FLT1: variants seen among roughly 807,000 people sequenced by gnomAD.
The protein encoded by FLT1 is vascular endothelial growth factor receptor 1.
Under a neutral mutation model 156.3 loss-of-function variants are expected in FLT1, and 49 were observed. That is an observed-to-expected ratio of 0.31 (90% CI 0.25 to 0.40). The LOEUF is 0.40. Among genes scored for constraint, FLT1 ranks in the 10% least tolerant of loss-of-function variants. The probability of loss-of-function intolerance (pLI) is 1.00; values close to 1 mark genes in which losing one functional copy is unlikely to be tolerated. For synonymous variants in FLT1, 594 were observed against 583.8 expected (o/e 1.02, Z -0.25); for missense variants, 1,322 against 1,637.2 (o/e 0.81, Z 3.32).
intron 17 of FLT1, among the ~76,000 whole-genome samples, chr13:28,337,074 A>G (rs938438161): frequency 1.3e-5 from 2 of 152,120 alleles, no homozygotes; most frequent in African/African-American, 4.8e-5. Context: ...ATAAATATAT[A>G]GGAGCTGAAT....
At chr13:28,423,230 T>A (rs1028573998) in intron 10 of FLT1, among the ~76,000 whole-genome samples, 2 of 152,124 alleles carry the variant, frequency 1.3e-5, no homozygotes, top group Non-Finnish European at 2.9e-5. Flanking sequence ...CTTCCTCTCA[T>A]GACAGGAAAC....
At chr13:28,303,453 G>T in intron 29 of FLT1, 85 bp from the exon 30 acceptor site, 2 of 1,183,062 alleles carry the variant, frequency 1.7e-6, no homozygotes, top group Non-Finnish European at 1.2e-6. Flanking sequence ...TTCTGAGTGG[G>T]TCATTTGTTC....
At chr13:28,326,020 G>A (rs115646737) in intron 20 of FLT1, among the ~76,000 whole-genome samples, 2 of 152,120 alleles carry the variant, frequency 1.3e-5, no homozygotes, top group African/African-American at 2.4e-5. Context: ...ATAAAGATGG[G>A]CATCATTCTT....
In FLT1 at chr13:28,319,356, G is replaced by C. The variant is rs1339721153; in HGVS notation, c.3286+67C>G. 6 of 1,064,974 alleles carry C rather than the reference G, an allele frequency of 5.6e-6. No homozygotes were observed. The Admixed American group carries it at 1.1e-4, about 20-fold the overall frequency. 66.0% of individuals were successfully genotyped at this position (1,064,974 alleles called of 1,614,324 possible). Reference sequence around the variant, plus strand: ...TAATCTAAAGGCTGTCTAACCAAAGGACATTCAGCAGAAGATGCAGACATT... The same window carrying C: ...TAATCTAAAGGCTGTCTAACCAAAGCACATTCAGCAGAAGATGCAGACATT... On this transcript the variant is annotated intron_variant, in intron 24 of 29. Coordinates refer to ENST00000282397, the MANE Select transcript of FLT1 (RefSeq NM_002019.4).
chr13:28,429,174 A>G (rs1484447935), intron 8 of FLT1, among the ~76,000 whole-genome samples: 1 of 152,186 alleles, frequency 6.6e-6, no homozygotes, highest in African/African-American at 2.4e-5. Context: ...CTGCAATGGC[A>G]TGAAGACATA....
At chr13:28,315,862 G>T (rs1028016990) in intron 25 of FLT1, among the ~76,000 whole-genome samples, 1 of 152,038 alleles carries the variant, frequency 6.6e-6, no homozygotes, top group African/African-American at 2.4e-5. Flanking sequence ...CAGAGGCTTG[G>T]GTTCTAAATG....
intron 10 of FLT1, among the ~76,000 whole-genome samples, chr13:28,413,103 G>C (rs1213128309): frequency 6.6e-6 from 1 of 152,092 alleles, no homozygotes; most frequent in African/African-American, 2.4e-5. Context: ...TGCCTCAATG[G>C]AGAAGGGGGA....
At chr13:28,343,879 T>C (rs1472800836) in intron 16 of FLT1, among the ~76,000 whole-genome samples, 2 of 151,388 alleles carry the variant, frequency 1.3e-5, no homozygotes, top group Non-Finnish European at 2.9e-5. Flanking sequence ...CCTGATCTCA[T>C]GATCCACCTG....
At chr13:28,474,423 C>T (rs1880422556) in intron 1 of FLT1, among the ~76,000 whole-genome samples, 2 of 151,918 alleles carry the variant, frequency 1.3e-5, no homozygotes, top group African/African-American at 4.8e-5. Context: ...CCACTGCACT[C>T]CAGCCCTGGG....
intron 1 of FLT1, among the ~76,000 whole-genome samples, chr13:28,485,450 TTTTA>T (rs142644753): frequency 1.3e-5 from 2 of 152,068 alleles, no homozygotes; most frequent in African/African-American, 4.8e-5. Context: ...CTGTTTTATT[TTTTA>T]TTTATTTATT....
At chr13:28,389,620 A>G (rs1314093886) in intron 13 of FLT1, 176 bp downstream of exon 13, 1 of 1,466,160 alleles carries the variant, frequency 6.8e-7, no homozygotes, top group Middle Eastern at 2.0e-4. Context: ...TGGGAGGAGC[A>G]TCTCCTCCGA....
intron 3 of FLT1, among the ~76,000 whole-genome samples, chr13:28,459,175 G>C (rs544143157): frequency 6.6e-5 from 10 of 152,302 alleles, no homozygotes; most frequent in African/African-American, 9.6e-5. Flanking sequence ...TCTCACCTGG[G>C]TTTCCAGACA....
At chr13:28,310,336 C>T (rs1442910785) in intron 27 of FLT1, among the ~76,000 whole-genome samples, 1 of 152,166 alleles carries the variant, frequency 6.6e-6, no homozygotes, top group Non-Finnish European at 1.5e-5. Context: ...GGAGTCCTGA[C>T]TGCATCGGGT....
intron 10 of FLT1, among the ~76,000 whole-genome samples, chr13:28,411,539 T>G (rs1439010934): frequency 2.3e-5 from 2 of 86,132 alleles, no homozygotes; most frequent in East Asian, 3.1e-4. Flanking sequence ...AGAGCGAAAC[T>G]CCATCTCAAA....
intron 1 of FLT1, among the ~76,000 whole-genome samples, chr13:28,467,910 A>C (rs2256449): frequency 0.15 from 22,664 of 152,182 alleles, 3,103 homozygotes; most frequent in African/African-American, 0.36. Flanking sequence ...AGGTTCAATG[A>C]AATTATATTA....
rs575211577 is a variant in FLT1, at chr13:28,413,026, A to C, written c.1437-7132T>G. On this transcript the variant is annotated intron_variant, in intron 10 of 29. Transcript: ENST00000282397. ...CAGGGTCAGGCTGAGGAGATCCTGG[A>C]GGAGTGACTTTCTTGTGCAGTGAGA... is the stretch of plus-strand genomic sequence containing the variant. Among the ~76,000 whole-genome samples the C allele has an allele frequency of 4.6e-5, 7 of 152,100 alleles. No individual in the cohort carries two copies. The East Asian group carries it at 1.4e-3, about 30-fold the overall frequency.
At chr13:28,387,704 T>C in intron 13 of FLT1, 2 of 919,908 alleles carry the variant, frequency 2.2e-6, no homozygotes, top group Non-Finnish European at 2.7e-6. Context: ...TTTTTTCTCC[T>C]TTTTTTTTTC....
At position 28,434,077 on chromosome 13, in the gene FLT1, G is replaced by A. The variant is rs1230316088; in HGVS notation, c.657C>T (p.Asn219=). 1.9e-6 allele frequency: 3 copies of A among 1,614,044 alleles called. No homozygotes were observed. The South Asian group carries it at 3.3e-5, about 18-fold the overall frequency. The change falls in exon 5 of 30, where the codon AAC becomes AAT. Residue 219 remains asparagine (N), a synonymous_variant. Transcript: ENST00000282397. ...ATVNGHLYKT[N]YLTHRQTNTI... ...ACTTACTTTGTCGATGTGTGAGATA[G>A]TTTGTCTTATACAAATGCCCATTGA...
chr13:28,316,935 A>G (rs1417072473), intron 25 of FLT1, among the ~76,000 whole-genome samples: 2 of 152,058 alleles, frequency 1.3e-5, no homozygotes, highest in African/African-American at 2.4e-5. Context: ...TATTCCTCCC[A>G]AAGGATTCTA....
Sources: gnomAD v4.1 joint callset for allele counts (sites outside exome capture counted in the v4.1 genomes callset) on GRCh38, gnomAD v4.1.1 for gene constraint, MANE v1.5 for transcripts, NCBI Gene and HGNC (gene_info 2026-07-23, HGNC 2026-07-21) for gene names.